BAZ2B: variants seen among roughly 807,000 people sequenced by gnomAD.
BAZ2B encodes the protein bromodomain adjacent to zinc finger domain 2B, also known as bromodomain adjacent to zinc finger domain protein 2B.
A neutral mutation model predicts 246.0 loss-of-function variants in BAZ2B; 91 were observed. The observed-to-expected ratio is 0.37, with a 90% CI of 0.31 to 0.44. The LOEUF is 0.44. Among genes scored for constraint, BAZ2B ranks in the 20% least tolerant of loss-of-function variants. BAZ2B has a pLI of 1.00. For synonymous variants in BAZ2B, 855 were observed against 860.0 expected, an observed-to-expected ratio of 0.99 and a Z score of 0.10; for missense variants, 2,332 against 2,533.7, an observed-to-expected ratio of 0.92 and a Z score of 1.71.
intron 2 of BAZ2B, among the ~76,000 whole-genome samples, chr2:159,522,070 C>A (rs965013932): frequency 1.3e-5 from 2 of 151,836 alleles, no homozygotes; most frequent in African/African-American, 4.8e-5. Flanking sequence ...TAAAATAATA[C>A]TTTTCCCTCA....
chr2:159,397,104 G>C (rs1265682627), intron 19 of BAZ2B: 1 of 1,451,840 alleles, frequency 6.9e-7, no homozygotes, highest in African/African-American at 1.4e-5. Flanking sequence ...CCAACTCCTG[G>C]TAGAAAGAGT....
In BAZ2B at chr2:159,361,051, GGTA is replaced by G. The variant is rs1409148210; in HGVS notation, c.4214-10697_4214-10695del. Among the ~76,000 whole-genome samples, 1,360 of 150,958 alleles carry G rather than the reference GGTA, an allele frequency of 9.0e-3. 24 individuals are homozygous for G. Among genetic ancestry groups the G allele is most frequent in the East Asian group, 0.05 (251 of 4,984 alleles). On this transcript the variant is annotated intron_variant, in intron 27 of 36. Transcript: ENST00000392783. Reference sequence around the variant, plus strand: ...AGGACATAGGCATGGGCAAGGACTTGGTAACTAAAACACTAAAAGCAATGGCAA... The same window carrying G: ...AGGACATAGGCATGGGCAAGGACTTGACTAAAACACTAAAAGCAATGGCAA...
At position 159,346,906 on chromosome 2, in the gene BAZ2B, T is replaced by A. The variant is rs576427452; in HGVS notation, c.5454+580A>T. Among the ~76,000 whole-genome samples, 4 of 152,312 alleles carry A rather than the reference T, an allele frequency of 2.6e-5. No homozygotes were observed. The East Asian group carries it at 7.7e-4, about 29-fold the overall frequency. On this transcript the variant is annotated intron_variant, in intron 31 of 36. Transcript: ENST00000392783. ...CCCAGGAGATAGATGAGGGAATGAA[T>A]GAATAAATCAGTAAATAAAAACTTT...
At chr2:159,628,020 C>CA in the BAZ2B span, among the ~76,000 whole-genome samples, 1 of 152,080 alleles carries the variant, frequency 6.6e-6, no homozygotes. Context: ...TCCTACATAC[C>CA]AATAATAGAG....
In BAZ2B at chr2:159,453,650, T is replaced by C. The variant is rs1226093119; in HGVS notation, c.297A>G (p.Thr99=). ...CTAGTTGGGGATGTGCGGCTAAGGC[T>C]GTGGGTGTACCAAGTGTCCCCAAAC... ...FGGLGTLGTP[T]ALAAHPQLAS... The change falls in exon 4 of 37, where the codon ACA becomes ACG. Residue 99 remains threonine, a synonymous_variant. Transcript: ENST00000392783. 6.2e-7 allele frequency: 1 copy of C among 1,613,294 alleles called. No individual in the cohort carries two copies. The highest frequency in any genetic ancestry group is 1.7e-4 in the Middle Eastern group (1 of 6,060).
intron 20 of BAZ2B, among the ~76,000 whole-genome samples, chr2:159,391,785 T>C (rs971453055): frequency 9.2e-5 from 14 of 152,140 alleles, no homozygotes; most frequent in African/African-American, 3.4e-4. Flanking sequence ...TATCGATATT[T>C]ATGATAAAAT....
chr2:159,649,793 T>C, the BAZ2B span, among the ~76,000 whole-genome samples: 93 of 152,322 alleles, frequency 6.1e-4, no homozygotes, highest in African/African-American at 2.1e-3. Flanking sequence ...CTGCCTTCCC[T>C]TCCTTAAAGG....
At chr2:159,572,035 C>T (rs1684147835) in intron 1 of BAZ2B, among the ~76,000 whole-genome samples, 1 of 152,180 alleles carries the variant, frequency 6.6e-6, no homozygotes, top group Non-Finnish European at 1.5e-5. Context: ...TTTCATCAAG[C>T]ATGCCTATGT....
intron 4 of BAZ2B, among the ~76,000 whole-genome samples, chr2:159,449,747 T>A (rs1349655914): frequency 6.6e-6 from 1 of 152,212 alleles, no homozygotes; most frequent in Non-Finnish European, 1.5e-5. Context: ...TGATCATTTA[T>A]CCACCGTTTA....
At chr2:159,598,244 A>T (rs182217047) in intron 1 of BAZ2B, among the ~76,000 whole-genome samples, 46 of 152,024 alleles carry the variant, frequency 3.0e-4, no homozygotes, top group African/African-American at 1.1e-3. Flanking sequence ...CACCCACCTC[A>T]GCCTCCCAAA....
At chr2:159,469,489 G>A (rs2077505834) in intron 3 of BAZ2B, among the ~76,000 whole-genome samples, 1 of 152,100 alleles carries the variant, frequency 6.6e-6, no homozygotes, top group Non-Finnish European at 1.5e-5. Context: ...AGGCTGGAGT[G>A]CGGTGGTACA....
chr2:159,484,398 TC>T (rs1314811813), intron 2 of BAZ2B, among the ~76,000 whole-genome samples: 2 of 152,220 alleles, frequency 1.3e-5, no homozygotes, highest in Non-Finnish European at 2.9e-5. Flanking sequence ...TCACATTTTA[TC>T]CAAATGTTTA....
intron 23 of BAZ2B, among the ~76,000 whole-genome samples, 198 bp downstream of exon 23, chr2:159,384,956 AT>A (rs1401029456): frequency 5.3e-5 from 8 of 152,050 alleles, no homozygotes; most frequent in South Asian, 2.1e-4. Context: ...TATAATCCAA[AT>A]TTTTTTTCAA....
At chr2:159,494,861 T>C (rs550359160) in intron 2 of BAZ2B, among the ~76,000 whole-genome samples, 2 of 146,010 alleles carry the variant, frequency 1.4e-5, no homozygotes, top group East Asian at 4.0e-4. Flanking sequence ...ATAAGTCAAT[T>C]AGGTCAAATA....
At chr2:159,616,086 G>GGCGAGAGGGCGGCGGGGC (rs1696044071) in intron 1 of BAZ2B, 156 bp downstream of exon 1, 3 of 152,178 alleles carry the variant, frequency 2.0e-5, no homozygotes, top group African/African-American at 7.2e-5. Context: ...AGCGGCGGAG[G>GGCGAGAGGGCGGCGGGGC]GCGAGAGGGC....
chr2:159,320,153 GA>G lies in BAZ2B; in HGVS notation c.*111del, dbSNP rs1279396560. On this transcript the variant is annotated 3_prime_UTR_variant, in exon 37 of 37. Coordinates refer to ENST00000392783, the MANE Select transcript of BAZ2B (RefSeq NM_013450.4). Reference sequence around the variant, plus strand: ...CTGATACTTTTTTTTTATACTTAAGGAAAAAGAAAGTCATTATGTATGTGCC... The same window carrying G: ...CTGATACTTTTTTTTTATACTTAAGGAAAAGAAAGTCATTATGTATGTGCC... The G allele has an allele frequency of 6.2e-6, 6 of 969,074 alleles. No homozygotes were observed. The African/African-American group carries it at 1.0e-4, about 17-fold the overall frequency. 60.0% of individuals were successfully genotyped at this position (969,074 alleles called of 1,614,324 possible).
the BAZ2B span, among the ~76,000 whole-genome samples, chr2:159,656,344 T>G: frequency 6.6e-6 from 1 of 152,080 alleles, no homozygotes; most frequent in African/African-American, 2.4e-5. Context: ...CATTATTAAC[T>G]AAAGTTACAG....
At chr2:159,482,522 C>T (rs1241069587) in intron 2 of BAZ2B, among the ~76,000 whole-genome samples, 1 of 151,912 alleles carries the variant, frequency 6.6e-6, no homozygotes, top group African/African-American at 2.4e-5. Context: ...AGAAAAGAAA[C>T]CTCAAGGTAT....
chr2:159,452,919 G>T (rs1337565429), intron 4 of BAZ2B, among the ~76,000 whole-genome samples: 1 of 152,126 alleles, frequency 6.6e-6, no homozygotes, highest in Non-Finnish European at 1.5e-5. Flanking sequence ...GGCCAACATG[G>T]CGAAACCCCG....
Sources: allele counts gnomAD v4.1 joint callset (sites outside exome capture counted in the v4.1 genomes callset), GRCh38; gene constraint gnomAD v4.1.1; transcripts MANE v1.5; gene names NCBI Gene and HGNC (gene_info 2026-07-23, HGNC 2026-07-21).